Variants in NECAB1 observed in about 807,000 individuals in gnomAD.
NECAB1 encodes the protein N-terminal EF-hand calcium binding protein 1, also known as N-terminal EF-hand calcium-binding protein 1.
NECAB1 carries 29 observed loss-of-function variants against 57.5 expected under a neutral mutation model. The ratio of observed to expected loss-of-function variants is 0.50; its 90% CI spans 0.38 to 0.69. The LOEUF is 0.69. Among genes scored for constraint, NECAB1 ranks in the 30% least tolerant of loss-of-function variants. NECAB1 has a pLI of 0.00. For missense variants in NECAB1, 372 were observed against 413.8 expected, an observed-to-expected ratio of 0.90 and a Z score of 0.88; for synonymous variants, 142 against 147.7, an observed-to-expected ratio of 0.96 and a Z score of 0.28.
rs188670134 is a variant in NECAB1, at chr8:90,811,301, C to T, written c.124+9586C>T. Among the ~76,000 whole-genome samples, 4 of 139,316 alleles carry T rather than the reference C, an allele frequency of 2.9e-5. No homozygotes were observed. The Admixed American group carries it at 3.0e-4, about 10-fold the overall frequency. The allele number at this position is 139,316 out of a possible 152,430, so 91.4% of individuals were successfully genotyped here. The stretch of plus-strand genomic sequence containing the variant: ...CGTCAACAGCACAACTCTGCTACAG[C>T]GAAGAGCTACAGCAAATGAAGCATC... On this transcript the variant is annotated intron_variant, in intron 2 of 12. Transcript: ENST00000417640.
At chr8:90,855,766 T>C (rs1563506873) in intron 3 of NECAB1, among the ~76,000 whole-genome samples, 2 of 152,208 alleles carry the variant, frequency 1.3e-5, no homozygotes, top group South Asian at 2.1e-4. Flanking sequence ...GGTGAATCCA[T>C]GGCTTAACTT....
chr8:90,919,054 T>C (rs1385861847), intron 6 of NECAB1, among the ~76,000 whole-genome samples: 2 of 151,888 alleles, frequency 1.3e-5, no homozygotes, highest in East Asian at 1.9e-4. Context: ...ATGCCACCAA[T>C]AGGTATCACT....
At chr8:90,890,371 A>G (rs1023663525) in intron 5 of NECAB1, among the ~76,000 whole-genome samples, 1 of 152,208 alleles carries the variant, frequency 6.6e-6, no homozygotes, top group East Asian at 1.9e-4. Flanking sequence ...GCCTTCTGCC[A>G]TGATTGTAAG....
At chr8:90,839,990 T>C (rs911102518) in intron 3 of NECAB1, among the ~76,000 whole-genome samples, 1 of 152,184 alleles carries the variant, frequency 6.6e-6, no homozygotes, top group Non-Finnish European at 1.5e-5. Context: ...CTTTAAAAAA[T>C]GTTAGCTGGA....
intron 12 of NECAB1, 142 bp downstream of exon 12, chr8:90,951,346 A>AC (rs1810921693): frequency 1.9e-6 from 1 of 536,052 alleles, no homozygotes; most frequent in African/African-American, 2.0e-5. Context: ...ATGATTTGAG[A>AC]TTGGGGGGAA....
At chr8:90,794,739 A>C (rs1183597895) in intron 1 of NECAB1, among the ~76,000 whole-genome samples, 1 of 152,222 alleles carries the variant, frequency 6.6e-6, no homozygotes, top group East Asian at 1.9e-4. Context: ...AATGGAAACA[A>C]AGCAAAAAGT....
intron 5 of NECAB1, among the ~76,000 whole-genome samples, chr8:90,898,843 C>G (rs1809427200): frequency 1.3e-5 from 2 of 152,202 alleles, no homozygotes; most frequent in African/African-American, 4.8e-5. Context: ...CTTCACCTTC[C>G]TAATAGTTCA....
intron 5 of NECAB1, among the ~76,000 whole-genome samples, chr8:90,915,194 A>G (rs1297084280): frequency 6.6e-6 from 1 of 152,154 alleles, no homozygotes; most frequent in Non-Finnish European, 1.5e-5. Context: ...TTGCAATTAT[A>G]TTTTATCTTC....
At chr8:90,917,664 G>A (rs761801451) in intron 6 of NECAB1, 36 bp downstream of exon 6, 1 of 1,577,564 alleles carries the variant, frequency 6.3e-7, no homozygotes. Flanking sequence ...TCTATTTAGT[G>A]ACTCTATGTT....
At chr8:90,901,625 G>C (rs1429424835) in intron 5 of NECAB1, among the ~76,000 whole-genome samples, 1 of 152,202 alleles carries the variant, frequency 6.6e-6, no homozygotes, top group East Asian at 1.9e-4. Context: ...TGAGCAATTT[G>C]TATTCAGTGG....
intron 5 of NECAB1, among the ~76,000 whole-genome samples, chr8:90,916,480 G>A (rs1410685895): frequency 2.0e-5 from 3 of 152,170 alleles, no homozygotes; most frequent in Non-Finnish European, 4.4e-5. Context: ...ATCAGGATCC[G>A]TGGTATTGTG....
chr8:90,889,382 C>G (rs1441956483), intron 5 of NECAB1, among the ~76,000 whole-genome samples: 1 of 152,212 alleles, frequency 6.6e-6, no homozygotes, highest in East Asian at 1.9e-4. Context: ...GAATTGCTTT[C>G]TGGTCCTCCT....
intron 2 of NECAB1, among the ~76,000 whole-genome samples, chr8:90,805,884 G>A (rs141866261): frequency 9.2e-5 from 14 of 152,192 alleles, no homozygotes; most frequent in African/African-American, 3.4e-4. Flanking sequence ...TAGAGCCCCA[G>A]AACTTGTTCA....
chr8:90,795,945 G>A (rs571196915), intron 1 of NECAB1, among the ~76,000 whole-genome samples: 1 of 152,252 alleles, frequency 6.6e-6, no homozygotes, highest in African/African-American at 2.4e-5. Context: ...GTTTACCTAT[G>A]TAACAACCCT....
chr8:90,919,009 A>C (rs1810042216), intron 6 of NECAB1, among the ~76,000 whole-genome samples: 2 of 151,686 alleles, frequency 1.3e-5, no homozygotes, highest in Non-Finnish European at 2.9e-5. Context: ...CAGGAAATGG[A>C]GAAAAGTGAA....
At chr8:90,936,191 T>A (rs1056511248) in intron 9 of NECAB1, among the ~76,000 whole-genome samples, 2 of 152,312 alleles carry the variant, frequency 1.3e-5, no homozygotes, top group Admixed American at 1.3e-4. Context: ...CTACCATGTG[T>A]TAAATGATCT....
At chr8:90,935,308 G>C (rs543217754) in intron 9 of NECAB1, among the ~76,000 whole-genome samples, 1 of 152,218 alleles carries the variant, frequency 6.6e-6, no homozygotes, top group Non-Finnish European at 1.5e-5. Context: ...GAAGCTTTGT[G>C]GGAGTCTCAG....
chr8:90,937,293 T>C (rs561311425), intron 9 of NECAB1, among the ~76,000 whole-genome samples: 1 of 152,260 alleles, frequency 6.6e-6, no homozygotes, highest in African/African-American at 2.4e-5. Flanking sequence ...GTGAATATTA[T>C]AGGCTAGAAA....
intron 9 of NECAB1, among the ~76,000 whole-genome samples, chr8:90,937,473 A>T (rs73694342): frequency 0.033 from 5,004 of 152,032 alleles, 263 homozygotes; most frequent in African/African-American, 0.11. Flanking sequence ...AAGTTTTTTT[A>T]AAAAAAACTT....
Sources: allele counts gnomAD v4.1 joint callset (sites outside exome capture counted in the v4.1 genomes callset), GRCh38; gene constraint gnomAD v4.1.1; transcripts MANE v1.5; gene names NCBI Gene and HGNC (gene_info 2026-07-23, HGNC 2026-07-21).